Variants in LAMA1 observed in about 807,000 individuals in gnomAD.
The protein encoded by LAMA1 is laminin subunit alpha 1.
LAMA1 carries 219 observed loss-of-function variants against 348.7 expected under a neutral mutation model. The observed-to-expected ratio is 0.63, with a 90% CI of 0.56 to 0.70. The LOEUF is 0.70. Ranked by LOEUF, LAMA1 falls within the 30% of genes least tolerant of loss-of-function variation. The probability of loss-of-function intolerance (pLI) is 0.00; values close to 1 mark genes in which losing one functional copy is unlikely to be tolerated. For missense variants in LAMA1, 3,744 were observed against 3,888.0 expected (o/e 0.96, Z 0.99); for synonymous variants, 1,487 against 1,491.0 (o/e 1.00, Z 0.06).
chr18:7,058,293 T>C (rs578226020), intron 3 of LAMA1, among the ~76,000 whole-genome samples: 43 of 152,320 alleles, frequency 2.8e-4, no homozygotes, highest in African/African-American at 1.0e-3. Flanking sequence ...CTTAGGATGC[T>C]GGGCCATTGT....
chr18:7,022,320 T>A (rs2057921583), intron 19 of LAMA1, among the ~76,000 whole-genome samples: 1 of 152,150 alleles, frequency 6.6e-6, no homozygotes, highest in Admixed American at 6.5e-5. Flanking sequence ...ATTCTACAAA[T>A]CGTGAAGCCT....
At position 6,952,953 on chromosome 18, in the gene LAMA1, T is replaced by C. The variant is rs545803459; in HGVS notation, c.8208-1982A>G. 9.4e-3 allele frequency among the ~76,000 whole-genome samples: 1,382 copies of C among 147,106 alleles called. 28 individuals carry two copies. Among genetic ancestry groups the C allele is most frequent in the African/African-American group, 0.034 (1,321 of 39,062 alleles). Reference sequence around the variant, plus strand: ...GCCTGTGTCCAGTGGATCCACACCATGGGAGCCATGTCTGCCTGTGTCCGG... The same window carrying C: ...GCCTGTGTCCAGTGGATCCACACCACGGGAGCCATGTCTGCCTGTGTCCGG... On this transcript the variant is annotated intron_variant, in intron 57 of 62. Transcript: ENST00000389658.
chr18:7,098,538 G>A lies in LAMA1; in HGVS notation c.62-18081C>T, dbSNP rs537040791. Among the ~76,000 whole-genome samples, 583 of 147,702 alleles carry A rather than the reference G, an allele frequency of 3.9e-3. 6 individuals are homozygous for A. Among genetic ancestry groups the A allele is most frequent in the South Asian group, 0.02 (90 of 4,578 alleles). On this transcript the variant is annotated intron_variant, in intron 1 of 62. Transcript: ENST00000389658. ...ATGTGAGGAGCACCTCTGCCCGGCT[G>A]CGACCCCGTCTGGGAGGTGAGGAGC...
At chr18:7,096,261 T>C (rs1238563480) in intron 1 of LAMA1, among the ~76,000 whole-genome samples, 2 of 152,234 alleles carry the variant, frequency 1.3e-5, no homozygotes, top group Non-Finnish European at 2.9e-5. Flanking sequence ...AGCACTTTGT[T>C]AATTACCAGG....
intron 49 of LAMA1, chr18:6,965,809 A>G (rs1344934019): frequency 4.9e-6 from 2 of 406,628 alleles, no homozygotes; most frequent in Non-Finnish European, 8.9e-6. Flanking sequence ...TGGAATTCAA[A>G]CAATGTCACG....
Position 7,083,173 on chromosome 18 carries a change from C to T in LAMA1, c.62-2716G>A, listed in dbSNP as rs140099923. 7.4e-3 allele frequency among the ~76,000 whole-genome samples: 1,102 copies of T among 149,242 alleles called. 13 individuals carry two copies. The highest frequency in any genetic ancestry group is 0.026 in the African/African-American group (1,046 of 40,572). On this transcript the variant is annotated intron_variant, in intron 1 of 62. Transcript: ENST00000389658. ...TAGACAGGTTTCTTACCTGGCTGTT[C>T]TAAATATATATATATATACATTTTT...
Position 6,964,905 on chromosome 18 carries a change from T to C in LAMA1, c.7196-102A>G, listed in dbSNP as rs1600354287. Reference sequence around the variant, plus strand: ...AACAAAGCTCATTTACAAATGCATATTCTTTTAGATTCTGCGAATTTGATC... The same window carrying C: ...AACAAAGCTCATTTACAAATGCATACTCTTTTAGATTCTGCGAATTTGATC... On this transcript the variant is annotated intron_variant, in intron 50 of 62. Transcript: ENST00000389658. The C allele has an allele frequency of 2.4e-6, 3 of 1,267,396 alleles. No individual in the cohort carries two copies. The East Asian group carries it at 7.3e-5, about 31-fold the overall frequency. 78.5% of individuals were successfully genotyped at this position (1,267,396 alleles called of 1,614,324 possible). A position where few individuals can be genotyped will look rare whatever the true frequency, so the allele number is the denominator to read the frequency against.
chr18:6,948,046 G>A (rs2057530072), intron 60 of LAMA1, among the ~76,000 whole-genome samples: 3 of 152,290 alleles, frequency 2.0e-5, no homozygotes, highest in Admixed American at 2.0e-4. Flanking sequence ...CCTCCCTGGC[G>A]CCAGCTGGTC....
At chr18:7,078,076 A>C (rs1426440382) in intron 3 of LAMA1, among the ~76,000 whole-genome samples, 3 of 150,776 alleles carry the variant, frequency 2.0e-5, no homozygotes, top group Admixed American at 6.6e-5. Context: ...AAAAAAAAAA[A>C]AAAACAAAAA....
At chr18:6,978,059 T>C in intron 43 of LAMA1, 137 bp downstream of exon 43, 1 of 1,345,692 alleles carries the variant, frequency 7.4e-7, no homozygotes, top group Admixed American at 1.7e-5. Flanking sequence ...GGTCCTTCTC[T>C]TAATAAAGGC....
intron 48 of LAMA1, among the ~76,000 whole-genome samples, chr18:6,968,041 G>A (rs1264849272): frequency 6.6e-6 from 1 of 152,166 alleles, no homozygotes; most frequent in African/African-American, 2.4e-5. Context: ...TCCAGACTAT[G>A]ACCAGAGGCA....
chr18:7,100,512 TTGTATGTGAA>T (rs1172739175), intron 1 of LAMA1, among the ~76,000 whole-genome samples: 1 of 152,162 alleles, frequency 6.6e-6, no homozygotes, highest in Non-Finnish European at 1.5e-5. Context: ...AAACAAAGAA[TTGTATGTGAA>T]TGTTTACAGC....
At chr18:7,031,960 C>T in intron 16 of LAMA1, 106 bp downstream of exon 16, 1 of 808,894 alleles carries the variant, frequency 1.2e-6, no homozygotes, top group South Asian at 1.5e-5. Flanking sequence ...GTCTATGAGG[C>T]TAGGGTTATT....
chr18:6,962,565 G>C (rs1362795568), intron 51 of LAMA1, among the ~76,000 whole-genome samples: 2 of 152,148 alleles, frequency 1.3e-5, no homozygotes, highest in Non-Finnish European at 2.9e-5. Flanking sequence ...ACTCTCCTTA[G>C]GACTAGAGAA....
intron 1 of LAMA1, among the ~76,000 whole-genome samples, chr18:7,097,405 T>C (rs770793207): frequency 6.6e-6 from 1 of 152,106 alleles, no homozygotes; most frequent in Non-Finnish European, 1.5e-5. Context: ...AGATATTTCT[T>C]ATTCATGAAC....
rs772059882 is a variant in LAMA1, at chr18:7,117,734, C to T, written c.-14G>A. 1.3e-6 allele frequency: 2 copies of T among 1,596,136 alleles called. No homozygotes were observed. Among genetic ancestry groups the T allele is most frequent in the Non-Finnish European group, 1.7e-6 (2 of 1,177,524 alleles). On this transcript the variant is annotated 5_prime_UTR_variant, in exon 1 of 63. Coordinates refer to ENST00000389658, the MANE Select transcript of LAMA1 (RefSeq NM_005559.4). ...GCCCCCGCGCATCTCGCCTCCGCCG[C>T]CACTCGGTGGGTCTGGGGAGAAAGC... is the stretch of plus-strand genomic sequence containing the variant.
intron 36 of LAMA1, among the ~76,000 whole-genome samples, chr18:6,992,329 G>A (rs1231611591): frequency 6.6e-6 from 1 of 152,168 alleles, no homozygotes; most frequent in Non-Finnish European, 1.5e-5. Flanking sequence ...AGAAGCTACC[G>A]CATGATAGCA....
intron 31 of LAMA1, 69 bp from the exon 32 acceptor site, chr18:6,999,707 C>A: frequency 7.4e-7 from 1 of 1,357,742 alleles, no homozygotes; most frequent in Non-Finnish European, 1.0e-6. Flanking sequence ...CGACAGTAAT[C>A]ATTTCCGCCA....
At chr18:7,116,467 C>A (rs1206642239) in intron 1 of LAMA1, among the ~76,000 whole-genome samples, 2 of 152,204 alleles carry the variant, frequency 1.3e-5, no homozygotes, top group Non-Finnish European at 2.9e-5. Flanking sequence ...CAGCTCCGGT[C>A]CAGTGCTTCC....
Sources: gnomAD v4.1 joint callset for allele counts (sites outside exome capture counted in the v4.1 genomes callset) on GRCh38, gnomAD v4.1.1 for gene constraint, MANE v1.5 for transcripts, NCBI Gene and HGNC (gene_info 2026-07-23, HGNC 2026-07-21) for gene names.